Variants in NMNAT2 observed in about 807,000 individuals in gnomAD.
NMNAT2 encodes the protein nicotinamide nucleotide adenylyltransferase 2.
In NMNAT2, 11 loss-of-function variants were observed where a neutral mutation model predicts 41.6. That is an observed-to-expected ratio of 0.26 (90% CI 0.17 to 0.44). The LOEUF (loss-of-function observed/expected upper bound fraction) is 0.44. Among genes scored for constraint, NMNAT2 ranks in the 20% least tolerant of loss-of-function variants. The pLI, the probability that NMNAT2 is intolerant of heterozygous loss-of-function variation, is 1.00. For synonymous variants in NMNAT2, 148 were observed against 151.2 expected (o/e 0.98, Z 0.16); for missense variants, 288 against 407.7 (o/e 0.71, Z 2.53).
At chr1:183,277,094 A>G (rs1661141443) in intron 8 of NMNAT2, among the ~76,000 whole-genome samples, 1 of 152,166 alleles carries the variant, frequency 6.6e-6, no homozygotes, top group East Asian at 1.9e-4. Context: ...GGGGCTAGGC[A>G]CTTTCAAAAC....
Position 183,286,651 on chromosome 1 carries a change from T to C in NMNAT2, c.448+11A>G. On this transcript the variant is annotated intron_variant, in intron 5 of 10. Transcript: ENST00000287713. The stretch of plus-strand genomic sequence containing the variant: ...CTGAGGTCTGAGAATCACACATCAG[T>C]GTTCCCCTACCTGCAGTGGGCTTGG... 4 of 1,602,364 alleles carry C rather than the reference T, an allele frequency of 2.5e-6. No homozygotes were observed. The highest frequency in any genetic ancestry group is 3.4e-6 in the Non-Finnish European group (4 of 1,173,984).
intron 1 of NMNAT2, among the ~76,000 whole-genome samples, chr1:183,409,235 A>G (rs1250329377): frequency 6.6e-6 from 1 of 152,196 alleles, no homozygotes; most frequent in African/African-American, 2.4e-5. Flanking sequence ...AAGCATCAGA[A>G]AACCCAACCC....
intron 1 of NMNAT2, among the ~76,000 whole-genome samples, chr1:183,366,651 G>C (rs1221113901): frequency 2.0e-5 from 3 of 152,136 alleles, no homozygotes; most frequent in Non-Finnish European, 4.4e-5. Context: ...GTGAGATGGG[G>C]AGGAGTCTGA....
chr1:183,371,127 T>A (rs1297008124), intron 1 of NMNAT2, among the ~76,000 whole-genome samples: 1 of 152,218 alleles, frequency 6.6e-6, no homozygotes, highest in Non-Finnish European at 1.5e-5. Flanking sequence ...TGATTTTGAT[T>A]GATACTTCCA....
intron 1 of NMNAT2, among the ~76,000 whole-genome samples, chr1:183,403,446 C>G (rs1039085862): frequency 4.6e-5 from 7 of 151,360 alleles, no homozygotes; most frequent in East Asian, 1.9e-4. Context: ...AACAACCCCC[C>G]CCCCCAAAAA....
At chr1:183,305,023 G>A in intron 1 of NMNAT2, 1 of 393,336 alleles carries the variant, frequency 2.5e-6, no homozygotes, top group Non-Finnish European at 4.1e-6. Context: ...CCTTTCCACT[G>A]GAAAAACTAC....
intron 1 of NMNAT2, among the ~76,000 whole-genome samples, chr1:183,319,717 T>A (rs7513074): frequency 1.3e-3 from 196 of 152,306 alleles, no homozygotes; most frequent in African/African-American, 4.6e-3. Flanking sequence ...ATTCTATGTG[T>A]CCTCAGCAGG....
chr1:183,283,381 C>G (rs2102301318), intron 7 of NMNAT2: 1 of 154,744 alleles, frequency 6.5e-6, no homozygotes, highest in South Asian at 2.0e-4. Context: ...TTCTGAAACC[C>G]TGGGAAGATT....
chr1:183,339,823 G>A (rs1223144466), intron 1 of NMNAT2, among the ~76,000 whole-genome samples: 1 of 152,092 alleles, frequency 6.6e-6, no homozygotes, highest in Non-Finnish European at 1.5e-5. Context: ...CTTCTGAGTG[G>A]CCCAATGAGA....
intron 7 of NMNAT2, among the ~76,000 whole-genome samples, chr1:183,280,758 A>T (rs1001291877): frequency 7.5e-6 from 1 of 133,316 alleles, no homozygotes; most frequent in African/African-American, 2.8e-5. Flanking sequence ...CTCATCAGCT[A>T]TTGTTAGTGT....
intron 1 of NMNAT2, among the ~76,000 whole-genome samples, chr1:183,328,794 C>T (rs1195995117): frequency 1.3e-5 from 2 of 152,198 alleles, no homozygotes; most frequent in Non-Finnish European, 2.9e-5. Context: ...TAGTTGGTAG[C>T]CACCTTGTAA....
At chr1:183,404,070 A>G (rs982283777) in intron 1 of NMNAT2, among the ~76,000 whole-genome samples, 1 of 151,984 alleles carries the variant, frequency 6.6e-6, no homozygotes, top group African/African-American at 2.4e-5. Context: ...CCAAACTGAT[A>G]ATAATTCAGG....
intron 1 of NMNAT2, among the ~76,000 whole-genome samples, chr1:183,413,861 C>G (rs1050904024): frequency 3.9e-5 from 6 of 152,272 alleles, no homozygotes; most frequent in Non-Finnish European, 8.8e-5. Flanking sequence ...CCCGCCTCGG[C>G]CTCCCAAAGT....
chr1:183,377,673 A>G (rs928041997), intron 1 of NMNAT2, among the ~76,000 whole-genome samples: 1 of 152,206 alleles, frequency 6.6e-6, no homozygotes, highest in South Asian at 2.1e-4. Context: ...TCTCCTCATT[A>G]TCTACTGTCC....
chr1:183,379,069 T>A (rs1663741190), intron 1 of NMNAT2, among the ~76,000 whole-genome samples: 2 of 77,456 alleles, frequency 2.6e-5, no homozygotes, highest in Non-Finnish European at 5.6e-5. Context: ...TATATCTATA[T>A]CTATATCTAT....
chr1:183,384,871 T>C (rs2101917822), intron 1 of NMNAT2, among the ~76,000 whole-genome samples: 1 of 152,194 alleles, frequency 6.6e-6, no homozygotes, highest in South Asian at 2.1e-4. Flanking sequence ...GGATATTGTA[T>C]ATATACTATG....
intron 1 of NMNAT2, among the ~76,000 whole-genome samples, chr1:183,410,395 AG>A (rs1649084696): frequency 6.6e-6 from 1 of 152,100 alleles, no homozygotes; most frequent in Admixed American, 6.6e-5. Flanking sequence ...TCCACTTCAA[AG>A]AGTGATACAG....
At chr1:183,404,130 A>G (rs1648891594) in intron 1 of NMNAT2, among the ~76,000 whole-genome samples, 1 of 137,648 alleles carries the variant, frequency 7.3e-6, no homozygotes, top group African/African-American at 2.7e-5. Flanking sequence ...GATGGAGTTC[A>G]CATCGTTGCT....
intron 1 of NMNAT2, among the ~76,000 whole-genome samples, chr1:183,391,160 C>A (rs4528078): frequency 0.25 from 37,957 of 151,956 alleles, 4,725 homozygotes; most frequent in South Asian, 0.29. Flanking sequence ...CTTCTTTTGC[C>A]TGCTTCTTCT....
Sources: allele counts gnomAD v4.1 joint callset (sites outside exome capture counted in the v4.1 genomes callset), GRCh38; gene constraint gnomAD v4.1.1; transcripts MANE v1.5; gene names NCBI Gene and HGNC (gene_info 2026-07-23, HGNC 2026-07-21).